The following MLLT3 variants were observed in gnomAD, a reference collection of about 807,000 sequenced individuals.
The protein encoded by MLLT3 is MLLT3 super elongation complex subunit.
MLLT3 carries 4 observed loss-of-function variants against 53.2 expected under a neutral mutation model. The observed-to-expected ratio is 0.08, with a 90% CI of 0.04 to 0.17. MLLT3 has a LOEUF of 0.17. Among genes scored for constraint, MLLT3 ranks in the 10% least tolerant of loss-of-function variants. MLLT3 has a pLI of 1.00. For missense variants in MLLT3, 569 were observed against 684.0 expected (o/e 0.83, Z 1.87); for synonymous variants, 283 against 230.6 (o/e 1.23, Z -2.06).
intron 2 of MLLT3, among the ~76,000 whole-genome samples, chr9:20,486,118 C>T (rs1824805746): frequency 6.6e-6 from 1 of 152,136 alleles, no homozygotes; most frequent in East Asian, 1.9e-4. Context: ...CTGTCAGTCA[C>T]ATGATAAACA....
chr9:20,536,304 G>A (rs1218958369), intron 2 of MLLT3, among the ~76,000 whole-genome samples: 1 of 152,184 alleles, frequency 6.6e-6, no homozygotes, highest in Non-Finnish European at 1.5e-5. Context: ...CATACTTCTA[G>A]CTCATGCTTG....
intron 4 of MLLT3, among the ~76,000 whole-genome samples, chr9:20,416,721 C>T (rs958240424): frequency 6.6e-6 from 1 of 152,124 alleles, no homozygotes; most frequent in Non-Finnish European, 1.5e-5. Flanking sequence ...GTGACCCAGA[C>T]ATTCTTGTTC....
intron 2 of MLLT3, among the ~76,000 whole-genome samples, chr9:20,470,290 T>C (rs1196591369): frequency 6.6e-6 from 1 of 152,008 alleles, no homozygotes; most frequent in Non-Finnish European, 1.5e-5. Context: ...GTAGCAAATA[T>C]TTGGGAGGCA....
At chr9:20,575,781 A>G (rs1367254376) in intron 2 of MLLT3, among the ~76,000 whole-genome samples, 1 of 152,228 alleles carries the variant, frequency 6.6e-6, no homozygotes. Context: ...CCATTTATAG[A>G]GCACAGGCAG....
chr9:20,571,330 G>A (rs982736123), intron 2 of MLLT3, among the ~76,000 whole-genome samples: 1 of 152,144 alleles, frequency 6.6e-6, no homozygotes, highest in Non-Finnish European at 1.5e-5. Flanking sequence ...ACACAGTGAA[G>A]TGATGACCTA....
chr9:20,403,894 C>T (rs1215888274), intron 5 of MLLT3, among the ~76,000 whole-genome samples: 3 of 152,156 alleles, frequency 2.0e-5, no homozygotes, highest in African/African-American at 7.2e-5. Context: ...TCATGGCTCA[C>T]TGCAGCCTCA....
At chr9:20,508,332 C>T (rs961408409) in intron 2 of MLLT3, among the ~76,000 whole-genome samples, 29 of 152,148 alleles carry the variant, frequency 1.9e-4, no homozygotes, top group African/African-American at 7.0e-4. Flanking sequence ...CTTTCACAAA[C>T]ACTCTGCATC....
At chr9:20,449,118 C>T (rs1439588907) in intron 3 of MLLT3, among the ~76,000 whole-genome samples, 1 of 152,186 alleles carries the variant, frequency 6.6e-6, no homozygotes, top group Admixed American at 6.5e-5. Flanking sequence ...CTCCCCACTG[C>T]CTCTCCTCTA....
chr9:20,514,044 G>A (rs981627807), intron 2 of MLLT3, among the ~76,000 whole-genome samples: 7 of 152,168 alleles, frequency 4.6e-5, no homozygotes, highest in African/African-American at 1.7e-4. Context: ...CCAGTGGGTA[G>A]GTGGTCCTCT....
intron 5 of MLLT3, among the ~76,000 whole-genome samples, chr9:20,379,066 T>C (rs1056177386): frequency 6.6e-6 from 1 of 152,076 alleles, no homozygotes; most frequent in African/African-American, 2.4e-5. Flanking sequence ...CACTTCATAA[T>C]GAGAAGGCAG....
At chr9:20,604,129 TTCCCTGCCCTTTAAA>T (rs1820506285) in intron 2 of MLLT3, among the ~76,000 whole-genome samples, 1 of 152,048 alleles carries the variant, frequency 6.6e-6, no homozygotes, top group Non-Finnish European at 1.5e-5. Context: ...AATAAAGTAT[TTCCCTGCCCTTTAAA>T]TCTATAGCAA....
rs149650858 is a variant in MLLT3, at chr9:20,430,303, C to A, written c.421-15878G>T. ...TCTCAACAGTTTTTCAGAGAACTTA[C>A]ACTGAGTCTAAAATGTATATGAAGA... On this transcript the variant is annotated intron_variant, in intron 4 of 10. Transcript: ENST00000380338. Among the ~76,000 whole-genome samples the A allele has an allele frequency of 2.3e-3, 356 of 152,184 alleles. 2 individuals carry two copies. Among genetic ancestry groups the A allele is most frequent in the Admixed American group, 0.021 (315 of 15,284 alleles).
intron 5 of MLLT3, among the ~76,000 whole-genome samples, chr9:20,377,376 A>G (rs905542833): frequency 2.0e-5 from 3 of 152,160 alleles, no homozygotes; most frequent in African/African-American, 7.2e-5. Flanking sequence ...GAATTGAACA[A>G]AGTCATAAAA....
chr9:20,593,725 T>C (rs1321437341), intron 2 of MLLT3, among the ~76,000 whole-genome samples: 1 of 152,188 alleles, frequency 6.6e-6, no homozygotes, highest in Non-Finnish European at 1.5e-5. Flanking sequence ...GGATGGGTAA[T>C]GTAAAACTCT....
At chr9:20,404,860 T>C (rs1822541722) in intron 5 of MLLT3, among the ~76,000 whole-genome samples, 1 of 151,812 alleles carries the variant, frequency 6.6e-6, no homozygotes, top group African/African-American at 2.4e-5. Context: ...CCTGGACCAC[T>C]CCTCCTGAGC....
intron 8 of MLLT3, among the ~76,000 whole-genome samples, chr9:20,360,399 G>T (rs147627287): frequency 2.0e-5 from 3 of 152,258 alleles, no homozygotes; most frequent in Non-Finnish European, 4.4e-5. Flanking sequence ...TCTATACTAG[G>T]CCCAAAGGTC....
At chr9:20,483,944 C>T (rs1824738625) in intron 2 of MLLT3, among the ~76,000 whole-genome samples, 5 of 151,824 alleles carry the variant, frequency 3.3e-5, no homozygotes, top group Admixed American at 3.3e-4. Context: ...ATCTCCTGAC[C>T]TCATGATCCG....
chr9:20,418,855 G>A (rs1276869444), intron 4 of MLLT3, among the ~76,000 whole-genome samples: 1 of 152,184 alleles, frequency 6.6e-6, no homozygotes, highest in Non-Finnish European at 1.5e-5. Flanking sequence ...TACAGGAGGA[G>A]AGTCTGCTCT....
At chr9:20,466,922 T>A (rs1390400497) in intron 2 of MLLT3, among the ~76,000 whole-genome samples, 1 of 152,194 alleles carries the variant, frequency 6.6e-6, no homozygotes. Context: ...GAAGCAGGTA[T>A]GACTGTCAAA....
Sources: allele counts gnomAD v4.1 joint callset (sites outside exome capture counted in the v4.1 genomes callset), GRCh38; gene constraint gnomAD v4.1.1; transcripts MANE v1.5; gene names NCBI Gene and HGNC (gene_info 2026-07-23, HGNC 2026-07-21).